Variants in CUL7 observed in about 807,000 individuals in gnomAD.
CUL7 encodes cullin-7.
Under a neutral mutation model 177.7 loss-of-function variants are expected in CUL7, and 96 were observed. That is an observed-to-expected ratio of 0.54 (90% CI 0.46 to 0.64). The LOEUF is 0.64. Ranked by LOEUF, CUL7 falls within the 30% of genes least tolerant of loss-of-function variation. CUL7 has a pLI of 0.00. For missense variants in CUL7, 1,893 were observed against 2,187.9 expected (o/e 0.87, Z 2.69); for synonymous variants, 824 against 890.2 (o/e 0.93, Z 1.32).
chr6:43,044,807 G>T lies in CUL7; in HGVS notation c.3117C>A (p.Gly1039=), dbSNP rs771343542. ...LPDDEAAQAL[G]KTCWEALVSP... ...TGACCAGGGCCTCCCAGCAGGTCTTGCCCAGAGCTTGGGCAGCCTCGTCAT... is the reference window on the plus strand; with the variant it reads ...TGACCAGGGCCTCCCAGCAGGTCTTTCCCAGAGCTTGGGCAGCCTCGTCAT... The change falls in exon 16 of 26, where the codon GGC becomes GGA. Residue 1039 remains glycine, a synonymous_variant. Coordinates refer to ENST00000265348, the MANE Select transcript of CUL7 (RefSeq NM_014780.5). The T allele has an allele frequency of 1.9e-6, 3 of 1,613,818 alleles. No homozygotes were observed. Among genetic ancestry groups the T allele is most frequent in the Middle Eastern group, 1.6e-4 (1 of 6,080 alleles).
chr6:43,043,246 C>T lies in CUL7; in HGVS notation c.3356-66G>A. On this transcript the variant is annotated intron_variant, in intron 17 of 25. Coordinates refer to ENST00000265348, the MANE Select transcript of CUL7 (RefSeq NM_014780.5). The surrounding 1 kb of genome is among the most constrained non-coding windows in gnomAD (Gnocchi z 4.2). ...GCCCCTCCACTCCCAAGTCCCCATCCAAGGGGGTTCCCTGAGGCCTTTCCT... is the reference window on the plus strand; with the variant it reads ...GCCCCTCCACTCCCAAGTCCCCATCTAAGGGGGTTCCCTGAGGCCTTTCCT... 1.2e-5 allele frequency: 17 copies of T among 1,387,272 alleles called. No individual in the cohort carries two copies. Among genetic ancestry groups the T allele is most frequent in the East Asian group, 2.3e-5 (1 of 42,662 alleles). 85.9% of individuals were successfully genotyped at this position (1,387,272 alleles called of 1,614,324 possible).
chr6:43,041,645 AAGG>A (rs1763421032), intron 19 of CUL7, among the ~76,000 whole-genome samples: 1 of 150,864 alleles, frequency 6.6e-6, no homozygotes, highest in Non-Finnish European at 1.5e-5. Context: ...AAGAAAAAGA[AAGG>A]AGAGGAAAAG....
Position 43,049,682 on chromosome 6 carries a change from C to T in CUL7, c.1570-20G>A. 6.2e-7 allele frequency: 1 copy of T among 1,613,714 alleles called. No individual in the cohort carries two copies. Among genetic ancestry groups the T allele is most frequent in the East Asian group, 2.2e-5 (1 of 44,868 alleles). On this transcript the variant is annotated intron_variant, in intron 6 of 25. Transcript: ENST00000265348. Reference sequence around the variant, plus strand: ...CAGAATCTGCCATCAAGGAGAAGCTCTCACTGCAGACAGCCCTGCCGACCC... The same window carrying T: ...CAGAATCTGCCATCAAGGAGAAGCTTTCACTGCAGACAGCCCTGCCGACCC...
intron 10 of CUL7, 75 bp downstream of exon 10, chr6:43,046,805 C>T (rs927498460): frequency 1.5e-5 from 18 of 1,214,750 alleles, no homozygotes; most frequent in Middle Eastern, 1.9e-4. Flanking sequence ...CATGGGAACA[C>T]AGCCCTTACC....
chr6:43,051,640 A>G lies in CUL7; in HGVS notation c.704T>C (p.Met235Thr). ...TGGTAGCTGAATGCCCTCGAAAGACATGGGGTGTTCAGAGAGCGTGGCCTG... is the reference window on the plus strand; with the variant it reads ...TGGTAGCTGAATGCCCTCGAAAGACGTGGGGTGTTCAGAGAGCGTGGCCTG... ...FAQATLSEHP[M>T]SFEGIQLPQV... is the part of the protein sequence containing the mutation. Residue 235 changes from methionine to threonine, a missense_variant, in exon 3 of 26, where the codon ATG (methionine) becomes ACG (threonine). By Grantham distance (81) the Met-to-Thr change is moderately conservative. Around this residue, in one of 5 missense-constraint regions of CUL7, gnomAD observed 653 missense variants for 725.2 expected, o/e 0.90. Transcript: ENST00000265348. This position sits in a 1 kb window ranked among gnomAD's most constrained non-coding sequence, Gnocchi z 5.0. 6 of 1,614,148 alleles carry G rather than the reference A, an allele frequency of 3.7e-6. No individual in the cohort carries two copies. The highest frequency in any genetic ancestry group is 5.1e-6 in the Non-Finnish European group (6 of 1,180,026).
rs1763922876 is a variant in CUL7, at chr6:43,046,549, ATGT to A, written c.2447_2449del (p.Asn816del). ...TCTGAGGAACACATCAAAGAAAGGG[ATGT>A]TGATGGGTTGGTGGGTTCGTCTGTG... On this transcript the variant is annotated inframe_deletion, in exon 11 of 26. Coordinates refer to ENST00000265348, the MANE Select transcript of CUL7 (RefSeq NM_014780.5). 2 of 1,613,990 alleles carry A rather than the reference ATGT, an allele frequency of 1.2e-6. No individual in the cohort carries two copies. The highest frequency in any genetic ancestry group is 1.7e-6 in the Non-Finnish European group (2 of 1,180,024).
chr6:43,042,186 T>A (rs531749651), intron 19 of CUL7, among the ~76,000 whole-genome samples: 1 of 150,896 alleles, frequency 6.6e-6, no homozygotes, highest in African/African-American at 2.4e-5. Flanking sequence ...CACAAGGAGG[T>A]AAGTTACATA....
At chr6:43,044,958 A>T in intron 15 of CUL7, 73 bp from the exon 16 acceptor site, 1 of 1,585,760 alleles carries the variant, frequency 6.3e-7, no homozygotes, top group East Asian at 2.2e-5. Flanking sequence ...ACCCTTCCTA[A>T]GACTGCCAGC....
chr6:43,040,402 CCTT>C lies in CUL7; in HGVS notation c.4045_4047del (p.Lys1349del), dbSNP rs1227943566. Reference sequence around the variant, plus strand: ...TCCTCTTCCTTCTCGCTCTTGTGCTCCTTGCCACTGGCCCCAAGGCCCACCTGA... The same window carrying C: ...TCCTCTTCCTTCTCGCTCTTGTGCTCGCCACTGGCCCCAAGGCCCACCTGA... On this transcript the variant is annotated inframe_deletion, in exon 22 of 26. Coordinates refer to ENST00000265348, the MANE Select transcript of CUL7 (RefSeq NM_014780.5). This position sits in a 1 kb window ranked among gnomAD's most constrained non-coding sequence, Gnocchi z 4.2. 6.2e-7 allele frequency: 1 copy of C among 1,612,818 alleles called. No homozygotes were observed. The highest frequency in any genetic ancestry group is 8.5e-7 in the Non-Finnish European group (1 of 1,180,040).
chr6:43,052,127 G>A lies in CUL7; in HGVS notation c.580+82C>T. 6.3e-7 allele frequency: 1 copy of A among 1,579,656 alleles called. No homozygotes were observed. The highest frequency in any genetic ancestry group is 8.6e-7 in the Non-Finnish European group (1 of 1,162,724). ...CATTTACGTACTGATGAGATCAGAG[G>A]CTCCTGCCACAGTGTCCTGTGAGTC... On this transcript the variant is annotated intron_variant, in intron 2 of 25. Transcript: ENST00000265348. This position sits in a 1 kb window ranked among gnomAD's most constrained non-coding sequence, Gnocchi z 4.5.
rs1466479241 is a variant in CUL7 at position 43,040,372 on chromosome 6, C to T, written c.4078G>A (p.Gly1360Arg). 6.2e-7 allele frequency: 1 copy of T among 1,613,578 alleles called. No individual in the cohort carries two copies. Among genetic ancestry groups the T allele is most frequent in the South Asian group, 1.1e-5 (1 of 91,088 alleles). The change falls in exon 22 of 26, where the codon GGG becomes AGG. Residue 1360 changes from glycine (G) to arginine (R), a missense_variant. Gly to Arg is a moderately radical substitution (Grantham distance 125). This residue lies in a region of CUL7 where 973 missense variants were observed against 1,140.9 expected (regional missense o/e 0.85). Transcript: ENST00000265348. The surrounding 1 kb of genome is among the most constrained non-coding windows in gnomAD (Gnocchi z 4.2). ...EHKSEKEEEA[G>R]AAAVVDVAEG... ...GCCACATCCACCACTGCTGCTGCCC[C>T]AGCTTCCTCTTCCTTCTCGCTCTTG...
chr6:43,041,266 G>A (rs1031359490), intron 19 of CUL7, 191 bp from the exon 20 acceptor site: 24 of 622,126 alleles, frequency 3.9e-5, no homozygotes, highest in Admixed American at 3.8e-4. Context: ...TATGGAAAGT[G>A]TCTTTTCACA....
At chr6:43,039,971 C>T (rs983420999) in intron 22 of CUL7, among the ~76,000 whole-genome samples, 185 bp downstream of exon 22, 37 of 152,092 alleles carry the variant, frequency 2.4e-4, no homozygotes, top group African/African-American at 8.2e-4. Flanking sequence ...AACTCCTGAC[C>T]TCAAGTGATC....
Position 43,048,169 on chromosome 6 carries a change from C to G in CUL7, c.2148G>C (p.Arg716=). The part of the protein sequence containing the change: ...EAVDACMACL[R]SPNTDREVLQ... ...GTACCTCTCGATCAGTGTTTGGGGA[C>G]CGCAGGCAGGCCATGCAGGCATCCA... Residue 716 remains arginine (R), a synonymous_variant, in exon 9 of 26, where the codon CGG becomes CGC. Transcript: ENST00000265348. 1 of 1,613,202 alleles carries G rather than the reference C, an allele frequency of 6.2e-7. No individual in the cohort carries two copies. Among genetic ancestry groups the G allele is most frequent in the Non-Finnish European group, 8.5e-7 (1 of 1,179,244 alleles).
Position 43,047,031 on chromosome 6 carries a change from A to G in CUL7, c.2246T>C (p.Leu749Pro), listed in dbSNP as rs779260591. Residue 749 changes from leucine (L) to proline (P), a missense_variant, in exon 10 of 26, where the codon CTG (leucine) becomes CCG (proline). This residue lies in a region of CUL7 where 973 missense variants were observed against 1,140.9 expected (regional missense o/e 0.85). Coordinates refer to ENST00000265348, the MANE Select transcript of CUL7 (RefSeq NM_014780.5). ...SRDYAVVLNQ[L>P]GARDAISKAL... ...CTTGGAGATAGCGTCTCTTGCTCCC[A>G]GCTGATTCAGCACCACGGCATAGTC... The G allele has an allele frequency of 1.9e-6, 3 of 1,613,496 alleles. No homozygotes were observed. Among genetic ancestry groups the G allele is most frequent in the East Asian group, 2.2e-5 (1 of 44,874 alleles).
rs187817041 is a variant in CUL7, at chr6:43,045,586, C to A, written c.2862+1G>T. 6.2e-7 allele frequency: 1 copy of A among 1,614,196 alleles called. No individual in the cohort carries two copies. Among genetic ancestry groups the A allele is most frequent in the African/African-American group, 1.3e-5 (1 of 75,060 alleles). ...GCCACACCCCACATCCCTGGCCCCA[C>A]CTGCTGGCAGCGCTTTATGCGGATC... On this transcript the variant is annotated splice_donor_variant, in intron 14 of 25. Transcript: ENST00000265348. LOFTEE classifies it high-confidence loss of function. The surrounding 1 kb of genome is among the most constrained non-coding windows in gnomAD (Gnocchi z 4.8).
Position 43,053,480 on chromosome 6 carries a change from A to G in CUL7, c.-9+142T>C, listed in dbSNP as rs1359562904. The G allele has an allele frequency of 7.7e-6, 4 of 520,400 alleles. No homozygotes were observed. The South Asian group carries it at 2.0e-4, about 26-fold the overall frequency. The allele number at this position is 520,400 out of a possible 1,614,324, so 32.2% of individuals were successfully genotyped here. A position where few individuals can be genotyped will look rare whatever the true frequency, so the allele number is the denominator to read the frequency against. ...CTGGAGAAGCCAGGGGCGCGCGGTA[A>G]GGTGGGGGAGAGGGGATTAGGCCCC... is the stretch of plus-strand genomic sequence containing the variant. On this transcript the variant is annotated intron_variant, in intron 1 of 25. Transcript: ENST00000265348. The surrounding 1 kb of genome is among the most constrained non-coding windows in gnomAD (Gnocchi z 4.1).
rs751770456 is a variant in CUL7 at position 43,045,577 on chromosome 6, C to G, written c.2862+10G>C. Reference sequence around the variant, plus strand: ...CTACCCAGGGCCACACCCCACATCCCTGGCCCCACCTGCTGGCAGCGCTTT... The same window carrying G: ...CTACCCAGGGCCACACCCCACATCCGTGGCCCCACCTGCTGGCAGCGCTTT... On this transcript the variant is annotated intron_variant, in intron 14 of 25. Coordinates refer to ENST00000265348, the MANE Select transcript of CUL7 (RefSeq NM_014780.5). This position sits in a 1 kb window ranked among gnomAD's most constrained non-coding sequence, Gnocchi z 4.8. 19 of 1,614,150 alleles carry G rather than the reference C, an allele frequency of 1.2e-5. No individual in the cohort carries two copies. The highest frequency in any genetic ancestry group is 1.4e-5 in the Non-Finnish European group (17 of 1,180,016).
Position 43,037,645 on chromosome 6 carries a change from G to C in CUL7, c.*43C>G. The stretch of plus-strand genomic sequence containing the variant: ...AATCAAACTCTTGGGTTTTATTTCT[G>C]TAAAAGCTCCAGCTCTACCTTCCCC... On this transcript the variant is annotated 3_prime_UTR_variant, in exon 26 of 26. Transcript: ENST00000265348. The C allele has an allele frequency of 3.3e-6, 5 of 1,509,200 alleles. No individual in the cohort carries two copies. Among genetic ancestry groups the C allele is most frequent in the Non-Finnish European group, 4.5e-6 (5 of 1,109,244 alleles). 93.5% of individuals were successfully genotyped at this position (1,509,200 alleles called of 1,614,324 possible).
Sources: allele counts gnomAD v4.1 joint callset (sites outside exome capture counted in the v4.1 genomes callset), GRCh38; gene constraint gnomAD v4.1.1; regional missense constraint gnomAD v4.1.1; non-coding constraint Gnocchi (gnomAD v3.1); transcripts MANE v1.5; gene names NCBI Gene and HGNC (gene_info 2026-07-23, HGNC 2026-07-21).